ABCG5: variants seen among roughly 807,000 people sequenced by gnomAD.
ABCG5 encodes ATP binding cassette subfamily G member 5.
In ABCG5, 64 loss-of-function variants were observed where a neutral mutation model predicts 64.5. The observed-to-expected ratio is 0.99, with a 90% CI of 0.81 to 1.22. The LOEUF is 1.22. Ranked by LOEUF, ABCG5 falls within the 50% of genes most tolerant of loss-of-function variation. ABCG5 has a pLI of 0.00. For synonymous variants in ABCG5, 385 were observed against 326.3 expected (o/e 1.18, Z -1.94); for missense variants, 908 against 829.5 (o/e 1.09, Z -1.16).
chr2:43,822,808 A>G lies in ABCG5; in HGVS notation c.1452T>C (p.Ser484=). The G allele has an allele frequency of 6.2e-7, 1 of 1,614,100 alleles. No individual in the cohort carries two copies. Among genetic ancestry groups the G allele is most frequent in the Non-Finnish European group, 8.5e-7 (1 of 1,179,982 alleles). ...GAACAACCCCTCACCAGTAGCACAC[A>G]CTGCTGAAAATCATGGTGGCAACAA... ...FSVVATMIFS[S]VCYWTLGLHP... The change falls in exon 10 of 13, where the codon AGT becomes AGC. Residue 484 remains serine (S), a synonymous_variant. Coordinates refer to ENST00000405322, the MANE Select transcript of ABCG5 (RefSeq NM_022436.3).
chr2:43,835,543 C>A (rs1425973753), intron 2 of ABCG5, among the ~76,000 whole-genome samples: 1 of 152,128 alleles, frequency 6.6e-6, no homozygotes, highest in African/African-American at 2.4e-5. Context: ...CTGACAAAGT[C>A]TTTGAAAAGT....
Position 43,824,364 on chromosome 2 carries a change from T to A in ABCG5, c.973A>T (p.Ile325Leu). The change falls in exon 8 of 13, where the codon ATA becomes TTA. Residue 325 changes from isoleucine (I) to leucine (L), a missense_variant. Ile to Leu is a conservative substitution (Grantham distance 5). Transcript: ENST00000405322. Reference protein sequence around the residue: ...EIETSKRVQMIESAYKKSAIC... With the variant: ...EIETSKRVQMLESAYKKSAIC... Reference sequence around the variant, plus strand: ...GCTGATTTCTTGTAGGCAGATTCTATCATCTGGACTCTCTTGGAGGTTTCT... The same window carrying A: ...GCTGATTTCTTGTAGGCAGATTCTAACATCTGGACTCTCTTGGAGGTTTCT... 6.2e-7 allele frequency: 1 copy of A among 1,614,218 alleles called. No homozygotes were observed. The highest frequency in any genetic ancestry group is 1.1e-5 in the South Asian group (1 of 91,088).
chr2:43,834,828 C>T (rs945782632), intron 2 of ABCG5, among the ~76,000 whole-genome samples: 1 of 152,240 alleles, frequency 6.6e-6, no homozygotes, highest in Non-Finnish European at 1.5e-5. Flanking sequence ...TTGGATGGCT[C>T]TGTGCAGGCT....
Position 43,838,201 on chromosome 2 carries a change from C to T in ABCG5, c.144-246G>A, listed in dbSNP as rs1668404567. The T allele has an allele frequency of 6.7e-6, 4 of 600,648 alleles. No homozygotes were observed. Among genetic ancestry groups the T allele is most frequent in the Non-Finnish European group, 1.2e-5 (4 of 340,828 alleles). 37.2% of individuals were successfully genotyped at this position (600,648 alleles called of 1,614,324 possible). On this transcript the variant is annotated intron_variant, in intron 1 of 12. Coordinates refer to ENST00000405322, the MANE Select transcript of ABCG5 (RefSeq NM_022436.3). The surrounding 1 kb of genome is among the most constrained non-coding windows in gnomAD (Gnocchi z 4.2). ...TCCTGTCCGTTTGGCTGCGAGGTGG[C>T]TGTCCCTGCATTCTTTCACCAGGTT...
chr2:43,814,335 A>G (rs1158878669), intron 12 of ABCG5, 142 bp downstream of exon 12: 3 of 640,890 alleles, frequency 4.7e-6, no homozygotes, highest in African/African-American at 3.7e-5. Context: ...AAAATCAGAG[A>G]AAATGTTGGA....
upstream of ABCG5, chr2:43,839,074 G>A (rs771255227): frequency 6.4e-7 from 1 of 1,551,208 alleles, no homozygotes; most frequent in South Asian, 1.2e-5. Flanking sequence ...AGGCGGCAGA[G>A]GAGAGAGGGC....
intron 2 of ABCG5, among the ~76,000 whole-genome samples, chr2:43,836,434 T>C (rs774943698): frequency 1.2e-4 from 18 of 152,122 alleles, no homozygotes; most frequent in Admixed American, 2.6e-4. Flanking sequence ...TGTCAACAAT[T>C]TGCAAGCAAT....
chr2:43,810,025 A>G, downstream of ABCG5: 2 of 957,336 alleles, frequency 2.1e-6, no homozygotes, highest in Non-Finnish European at 2.7e-6. Context: ...TTTAAGTGGT[A>G]TATACTCAAT....
At chr2:43,829,010 T>G (rs1667806055) in intron 4 of ABCG5, among the ~76,000 whole-genome samples, 1 of 151,902 alleles carries the variant, frequency 6.6e-6, no homozygotes, top group South Asian at 2.1e-4. Flanking sequence ...TAAAATAAGA[T>G]TCCCTAGAAC....
intron 11 of ABCG5, among the ~76,000 whole-genome samples, chr2:43,819,559 C>A (rs942987852): frequency 1.3e-5 from 2 of 151,570 alleles, no homozygotes; most frequent in Admixed American, 1.3e-4. Context: ...CTCAACAGTA[C>A]CAGGTCAGAA....
rs376797531 is a variant in ABCG5 at position 43,831,839 on chromosome 2, A to G, written c.431T>C (p.Val144Ala). The G allele has an allele frequency of 4.9e-5, 77 of 1,582,268 alleles. No individual in the cohort carries two copies. In the African/African-American group the frequency reaches 9.6e-4, roughly 20 times the overall value. Reference sequence around the variant, plus strand: ...CGCGGTGTAGTGCAGCGTCTCGCGCACGGTGAGGCTGCTCAGCAGGGTGTC... The same window carrying G: ...CGCGGTGTAGTGCAGCGTCTCGCGCGCGGTGAGGCTGCTCAGCAGGGTGTC... ...QSDTLLSSLT[V>A]RETLHYTALL... Residue 144 changes from valine to alanine, a missense_variant, in exon 4 of 13, where the codon GTG (valine) becomes GCG (alanine). Coordinates refer to ENST00000405322, the MANE Select transcript of ABCG5 (RefSeq NM_022436.3).
rs1667638137 is a variant in ABCG5, at chr2:43,826,838, A to G, written c.635-317T>C. Reference sequence around the variant, plus strand: ...AGGGAACAAGGGCTGGCAGGCTGGCATCAAGTTGTTTTAAAACAAGACTGA... The same window carrying G: ...AGGGAACAAGGGCTGGCAGGCTGGCGTCAAGTTGTTTTAAAACAAGACTGA... On this transcript the variant is annotated intron_variant, in intron 5 of 12. Coordinates refer to ENST00000405322, the MANE Select transcript of ABCG5 (RefSeq NM_022436.3). Among the ~76,000 whole-genome samples the G allele has an allele frequency of 2.0e-5, 3 of 152,214 alleles. No individual in the cohort carries two copies. The South Asian group carries it at 6.2e-4, about 32-fold the overall frequency.
In ABCG5 at chr2:43,825,607, ATTG is replaced by A. The variant is rs796263854; in HGVS notation, c.775-592_775-590del. Among the ~76,000 whole-genome samples, 444 of 132,104 alleles carry A rather than the reference ATTG, an allele frequency of 3.4e-3. 8 individuals are homozygous for A. The highest frequency in any genetic ancestry group is 0.024 in the Admixed American group (314 of 13,238). The allele number at this position is 132,104 out of a possible 152,430, so 86.7% of individuals were successfully genotyped here. A position where few individuals can be genotyped will look rare whatever the true frequency, so the allele number is the denominator to read the frequency against. ...CTTAATTTGTTGTTGTTTTGTTGTTATTGTTGTTGTTGTTGTTGTTTCTGAGAC... is the reference window on the plus strand; with the variant it reads ...CTTAATTTGTTGTTGTTTTGTTGTTATTGTTGTTGTTGTTGTTTCTGAGAC... On this transcript the variant is annotated intron_variant, in intron 6 of 12. Coordinates refer to ENST00000405322, the MANE Select transcript of ABCG5 (RefSeq NM_022436.3).
downstream of ABCG5, among the ~76,000 whole-genome samples, chr2:43,807,596 T>C (rs1346655768): frequency 6.6e-6 from 1 of 151,960 alleles, no homozygotes; most frequent in Non-Finnish European, 1.5e-5. Context: ...CACATCACCA[T>C]GCCCGGGTAA....
intron 2 of ABCG5, 168 bp from the exon 3 acceptor site, chr2:43,832,251 C>T (rs182229743): frequency 1.1e-6 from 1 of 895,926 alleles, no homozygotes; most frequent in Non-Finnish European, 1.7e-6. Context: ...CCCTATGGAA[C>T]GCGCACTGTG....
In ABCG5 at chr2:43,837,901, C is replaced by T; in HGVS notation, c.198G>A (p.Arg66=). The T allele has an allele frequency of 6.2e-7, 1 of 1,614,144 alleles. No individual in the cohort carries two copies. The change falls in exon 2 of 13, where the codon AGG becomes AGA. Residue 66 remains arginine, a synonymous_variant. Coordinates refer to ENST00000405322, the MANE Select transcript of ABCG5 (RefSeq NM_022436.3). ...DITSCRQQWT[R]QILKDVSLYV... is the part of the protein sequence containing the mutation. ...ACAAGGAGACATCTTTGAGGATCTG[C>T]CTGGTCCACTGCTGCCGGCAAGATG...
rs777313666 is a variant in ABCG5 at position 43,824,122 on chromosome 2, AAAAC to A, written c.1119-8_1119-5del. The A allele has an allele frequency of 1.1e-4, 185 of 1,614,114 alleles. 1 individual carries two copies. Among genetic ancestry groups the A allele is most frequent in the Non-Finnish European group, 7.1e-5 (84 of 1,180,048 alleles). ...CACCAAGTTTCTTGTCACTCTCCTG[AAAAC>A]AAACAACCCTGTTTTAATTCCTTTT... On this transcript the variant is annotated splice_region_variant and splice_polypyrimidine_tract_variant and intron_variant, in intron 8 of 12. Transcript: ENST00000405322.
Position 43,832,006 on chromosome 2 carries a change from C to T in ABCG5, c.343G>A (p.Val115Met), listed in dbSNP as rs765063119. 5.1e-6 allele frequency: 8 copies of T among 1,563,888 alleles called. No individual in the cohort carries two copies. The Admixed American group carries it at 5.7e-5, about 11-fold the overall frequency. Residue 115 changes from valine to methionine, a missense_variant, in exon 3 of 13, where the codon GTG becomes ATG. Val to Met is a conservative substitution (Grantham distance 21, BLOSUM62 1). Coordinates refer to ENST00000405322, the MANE Select transcript of ABCG5 (RefSeq NM_022436.3). Reference sequence around the variant, plus strand: ...TCCCGGCGCAGCGCCCGGCCGTTCACATACACCTCCCCCAGGAAGGTCCCC... The same window carrying T: ...TCCCGGCGCAGCGCCCGGCCGTTCATATACACCTCCCCCAGGAAGGTCCCC... The part of the protein sequence containing the change: ...RAGTFLGEVY[V>M]NGRALRREQF...
intron 11 of ABCG5, among the ~76,000 whole-genome samples, chr2:43,815,910 G>GAAAAAAAAAA (rs4148200): frequency 9.6e-6 from 1 of 104,058 alleles, no homozygotes; most frequent in Non-Finnish European, 2.1e-5. Context: ...AACAGGAAAA[G>GAAAAAAAAAA]AAAAAAAAAA....
Sources: allele counts gnomAD v4.1 joint callset (sites outside exome capture counted in the v4.1 genomes callset), GRCh38; gene constraint gnomAD v4.1.1; non-coding constraint Gnocchi (gnomAD v3.1); transcripts MANE v1.5; gene names NCBI Gene and HGNC (gene_info 2026-07-23, HGNC 2026-07-21).